Variants in CNOT1 observed in about 807,000 individuals in gnomAD.
CNOT1 encodes the protein CCR4-NOT transcription complex subunit 1, also known as CCR4-associated factor 1.
In CNOT1, 15 loss-of-function variants were observed where a neutral mutation model predicts 273.8. The observed-to-expected ratio is 0.05, with a 90% CI of 0.04 to 0.08. CNOT1 has a LOEUF of 0.08. Among genes scored for constraint, CNOT1 ranks in the 10% least tolerant of loss-of-function variants. The probability of loss-of-function intolerance (pLI) is 1.00; values close to 1 mark genes in which losing one functional copy is unlikely to be tolerated. For missense variants in CNOT1, 1,644 were observed against 2,912.2 expected (o/e 0.56, Z 10.02); for synonymous variants, 1,022 against 1,005.5 (o/e 1.02, Z -0.31).
Position 58,553,771 on chromosome 16 carries a change from A to G in CNOT1, c.2970+11T>C. The G allele has an allele frequency of 6.2e-7, 1 of 1,606,394 alleles. No homozygotes were observed. Among genetic ancestry groups the G allele is most frequent in the Non-Finnish European group, 8.5e-7 (1 of 1,178,046 alleles). ...ATAGCTATTTGGGTTTTAGTTACAG[A>G]GGGCACTTACCTCCTGTAAATGATG... On this transcript the variant is annotated intron_variant, in intron 22 of 48. Coordinates refer to ENST00000317147, the MANE Select transcript of CNOT1 (RefSeq NM_016284.5).
chr16:58,524,249 C>CG (rs2039507406), intron 46 of CNOT1, among the ~76,000 whole-genome samples: 2 of 82,388 alleles, frequency 2.4e-5, no homozygotes, highest in East Asian at 3.4e-4. Flanking sequence ...GACTCTATCG[C>CG]AAAAAAAAAA....
Position 58,553,809 on chromosome 16 carries a change from A to T in CNOT1, c.2943T>A (p.Phe981Leu). The change falls in exon 22 of 49, where the codon TTT (phenylalanine) becomes TTA (leucine). Residue 981 changes from phenylalanine (F) to leucine (L), a missense_variant. By Grantham distance (22) the Phe-to-Leu change is conservative. Coordinates refer to ENST00000317147, the MANE Select transcript of CNOT1 (RefSeq NM_016284.5). ...CCTGTAAATGATGTGGAAATTGCATAAAGTGACTGATAGAAGCCAAATGCT... is the reference window on the plus strand; with the variant it reads ...CCTGTAAATGATGTGGAAATTGCATTAAGTGACTGATAGAAGCCAAATGCT... ...YCQHLASISH[F>L]MQFPHHLQEY... 1 of 1,611,780 alleles carries T rather than the reference A, an allele frequency of 6.2e-7. No homozygotes were observed. The highest frequency in any genetic ancestry group is 8.5e-7 in the Non-Finnish European group (1 of 1,179,438).
intron 1 of CNOT1, among the ~76,000 whole-genome samples, chr16:58,621,906 G>A (rs1309762859): frequency 1.8e-5 from 1 of 54,648 alleles, no homozygotes; most frequent in African/African-American, 8.8e-5. Context: ...AAGAGACTCC[G>A]TCTCAAAAAA....
At chr16:58,586,849 C>T in intron 6 of CNOT1, 101 bp from the exon 7 acceptor site, 1 of 1,276,246 alleles carries the variant, frequency 7.8e-7, no homozygotes. Flanking sequence ...TTCTCATTCA[C>T]CAGTTCACCC....
chr16:58,598,761 C>CT (rs995000497), intron 2 of CNOT1, among the ~76,000 whole-genome samples: 2 of 151,760 alleles, frequency 1.3e-5, no homozygotes, highest in Non-Finnish European at 2.9e-5. Flanking sequence ...TGTGAAAAAT[C>CT]TTTTTAAAAA....
rs1474450492 is a variant in CNOT1 at position 58,520,187 on chromosome 16, T to A, written c.*771A>T. ...GGGAGAACAATTAATTAATGAGATTTGGTTCCCTTTCCTATATTCCCACTG... is the reference window on the plus strand; with the variant it reads ...GGGAGAACAATTAATTAATGAGATTAGGTTCCCTTTCCTATATTCCCACTG... On this transcript the variant is annotated 3_prime_UTR_variant, in exon 49 of 49. Transcript: ENST00000317147. 6.6e-6 allele frequency: 1 copy of A among 151,912 alleles called. No homozygotes were observed. The highest frequency in any genetic ancestry group is 1.5e-5 in the Non-Finnish European group (1 of 67,966). 9.4% of individuals were successfully genotyped at this position (151,912 alleles called of 1,614,324 possible).
intron 1 of CNOT1, among the ~76,000 whole-genome samples, chr16:58,620,832 G>T (rs1223598698): frequency 6.6e-6 from 1 of 151,974 alleles, no homozygotes; most frequent in African/African-American, 2.4e-5. Context: ...CCAAAGCAAT[G>T]ATTTAAGTGG....
chr16:58,572,139 T>C (rs1159213344), intron 16 of CNOT1, among the ~76,000 whole-genome samples: 1 of 151,564 alleles, frequency 6.6e-6, no homozygotes, highest in Non-Finnish European at 1.5e-5. Context: ...CAAAATTAGC[T>C]AGGCGTGGTG....
chr16:58,524,145 G>A (rs1031485241), intron 46 of CNOT1, among the ~76,000 whole-genome samples: 2 of 151,328 alleles, frequency 1.3e-5, no homozygotes, highest in African/African-American at 4.9e-5. Context: ...AGCTCCTCGG[G>A]AGGCTGAGGC....
intron 39 of CNOT1, among the ~76,000 whole-genome samples, chr16:58,535,373 T>C (rs577592970): frequency 6.6e-6 from 1 of 152,190 alleles, no homozygotes; most frequent in Non-Finnish European, 1.5e-5. Context: ...TGAGGAATAT[T>C]AGGACTGAGT....
Position 58,625,796 on chromosome 16 carries a change from TGCAGTGA to T in CNOT1, c.-175+3925_-175+3931del. ...TGACCTGAGACCAGAATATCAAGGC[TGCAGTGA>T]GCAGGGATTGTGCCGCTGCACTCCA... On this transcript the variant is annotated intron_variant, in intron 1 of 48. Coordinates refer to ENST00000317147, the MANE Select transcript of CNOT1 (RefSeq NM_016284.5). 2.0e-5 allele frequency among the ~76,000 whole-genome samples: 3 copies of T among 146,604 alleles called. No homozygotes were observed. In the South Asian group the frequency reaches 6.6e-4, roughly 32 times the overall value.
In CNOT1 at chr16:58,521,337, G is replaced by A. The variant is rs561237824; in HGVS notation, c.6918-20C>T. 1 of 1,590,804 alleles carries A rather than the reference G, an allele frequency of 6.3e-7. No individual in the cohort carries two copies. Among genetic ancestry groups the A allele is most frequent in the Admixed American group, 1.9e-5 (1 of 53,190 alleles). ...AGAACTCTGGAAAAAGGGAGAAAGAGCTAGTTAATGTATAGAAGCATACAA... is the reference window on the plus strand; with the variant it reads ...AGAACTCTGGAAAAAGGGAGAAAGAACTAGTTAATGTATAGAAGCATACAA... On this transcript the variant is annotated intron_variant, in intron 47 of 48. Coordinates refer to ENST00000317147, the MANE Select transcript of CNOT1 (RefSeq NM_016284.5).
intron 16 of CNOT1, among the ~76,000 whole-genome samples, chr16:58,569,145 CAG>C (rs1159547087): frequency 6.6e-6 from 1 of 152,180 alleles, no homozygotes; most frequent in African/African-American, 2.4e-5. Context: ...GTTTTTGAGA[CAG>C]AGTCTTACTC....
At chr16:58,538,692 C>T in intron 36 of CNOT1, 80 bp downstream of exon 36, 1 of 1,569,192 alleles carries the variant, frequency 6.4e-7, no homozygotes, top group Non-Finnish European at 8.6e-7. Flanking sequence ...AAAGGGAAAC[C>T]CCTGGACATA....
chr16:58,562,530 C>T (rs985628893), intron 16 of CNOT1, among the ~76,000 whole-genome samples: 33 of 149,410 alleles, frequency 2.2e-4, no homozygotes, highest in Non-Finnish European at 4.5e-4. Flanking sequence ...AAAAAAAAAG[C>T]GGCGGGGGGG....
intron 8 of CNOT1, among the ~76,000 whole-genome samples, 181 bp downstream of exon 8, chr16:58,585,157 T>C (rs1597512289): frequency 6.6e-6 from 1 of 152,270 alleles, no homozygotes; most frequent in East Asian, 1.9e-4. Context: ...GAGATAAACA[T>C]TTAACACCCA....
chr16:58,522,508 CTAAT>C (rs748694057), intron 47 of CNOT1, among the ~76,000 whole-genome samples: 1 of 151,572 alleles, frequency 6.6e-6, no homozygotes, highest in African/African-American at 2.4e-5. Flanking sequence ...CCATAGGTGA[CTAAT>C]TAGGCAAATG....
intron 40 of CNOT1, among the ~76,000 whole-genome samples, chr16:58,533,352 C>T (rs1178673274): frequency 1.3e-5 from 2 of 151,944 alleles, no homozygotes; most frequent in Admixed American, 1.3e-4. Context: ...GAACCACTGA[C>T]GTGGCCGGGC....
At chr16:58,528,922 A>C (rs1348109582) in intron 43 of CNOT1, among the ~76,000 whole-genome samples, 1 of 150,786 alleles carries the variant, frequency 6.6e-6, no homozygotes, top group South Asian at 2.1e-4. Context: ...CAATGATGTA[A>C]GCGTCTATCT....
Sources: allele counts gnomAD v4.1 joint callset (sites outside exome capture counted in the v4.1 genomes callset), GRCh38; gene constraint gnomAD v4.1.1; transcripts MANE v1.5; gene names NCBI Gene and HGNC (gene_info 2026-07-23, HGNC 2026-07-21).